JAK2: variants seen among roughly 807,000 people sequenced by gnomAD.
JAK2 encodes the protein tyrosine-protein kinase JAK2.
A neutral mutation model predicts 139.3 loss-of-function variants in JAK2; 86 were observed. The observed-to-expected ratio is 0.62, with a 90% CI of 0.52 to 0.74. The LOEUF (loss-of-function observed/expected upper bound fraction) is 0.74. Among genes scored for constraint, JAK2 ranks in the 30% least tolerant of loss-of-function variants. The pLI is 0.00. For synonymous variants in JAK2, 490 were observed against 437.7 expected, an observed-to-expected ratio of 1.12 and a Z score of -1.49; for missense variants, 1,421 against 1,360.3, an observed-to-expected ratio of 1.04 and a Z score of -0.70.
intron 8 of JAK2, among the ~76,000 whole-genome samples, chr9:5,061,231 A>G (rs1239652149): frequency 1.3e-5 from 2 of 152,246 alleles, no homozygotes; most frequent in East Asian, 1.9e-4. Context: ...CAAGTCACCA[A>G]TGGCATAGGC....
intron 2 of JAK2, among the ~76,000 whole-genome samples, chr9:5,011,268 C>T (rs1329374472): frequency 6.6e-6 from 1 of 152,108 alleles, no homozygotes; most frequent in African/African-American, 2.4e-5. Flanking sequence ...TTTCTGCAGC[C>T]TCAAACTCCT....
At chr9:5,089,358 G>A (rs1036811255) in intron 19 of JAK2, among the ~76,000 whole-genome samples, 2 of 151,972 alleles carry the variant, frequency 1.3e-5, no homozygotes, top group African/African-American at 2.4e-5. Context: ...CTAACACAGC[G>A]AAACCCTGTC....
Position 5,089,669 on chromosome 9 carries a change from T to C in JAK2, c.2572-5T>C. 2 of 1,337,764 alleles carry C rather than the reference T, an allele frequency of 1.5e-6. No individual in the cohort carries two copies. The highest frequency in any genetic ancestry group is 2.9e-5 in the Admixed American group (1 of 35,072). 82.9% of individuals were successfully genotyped at this position (1,337,764 alleles called of 1,614,324 possible). A position where few individuals can be genotyped will look rare whatever the true frequency, so the allele number is the denominator to read the frequency against. On this transcript the variant is annotated splice_polypyrimidine_tract_variant and splice_region_variant and intron_variant, in intron 19 of 24. Coordinates refer to ENST00000381652, the MANE Select transcript of JAK2 (RefSeq NM_004972.4). ...ATTTCCATCCTAATGTGATGTGTCA[T>C]TTAGGGTAATTTTGGGAGTGTGGAG...
At chr9:5,012,897 A>G (rs752807246) in intron 2 of JAK2, among the ~76,000 whole-genome samples, 1 of 152,336 alleles carries the variant, frequency 6.6e-6, no homozygotes, top group Admixed American at 6.5e-5. Flanking sequence ...TGGGAGGCAA[A>G]GTAGACTTAG....
chr9:5,101,439 C>T (rs932571479), intron 22 of JAK2, among the ~76,000 whole-genome samples: 63 of 152,250 alleles, frequency 4.1e-4, no homozygotes, highest in African/African-American at 1.4e-3. Context: ...TTGTAGACCA[C>T]ACCTCTGGGG....
intron 14 of JAK2, among the ~76,000 whole-genome samples, chr9:5,076,391 C>G (rs1819309474): frequency 6.6e-6 from 1 of 152,140 alleles, no homozygotes; most frequent in Non-Finnish European, 1.5e-5. Context: ...CCACAGCTAC[C>G]TGAACTTTAA....
chr9:5,004,918 CTTT>C (rs557320182), intron 2 of JAK2, among the ~76,000 whole-genome samples: 2 of 131,324 alleles, frequency 1.5e-5, no homozygotes, highest in Admixed American at 7.6e-5. Context: ...TACATATTGT[CTTT>C]TTTTTTTTTT....
At chr9:5,028,690 C>T (rs949531192) in intron 3 of JAK2, among the ~76,000 whole-genome samples, 1 of 152,212 alleles carries the variant, frequency 6.6e-6, no homozygotes, top group African/African-American at 2.4e-5. Context: ...TCTCCATCAA[C>T]ACTTGCTGCT....
intron 8 of JAK2, among the ~76,000 whole-genome samples, chr9:5,058,364 C>G (rs1454526200): frequency 6.6e-6 from 1 of 152,128 alleles, no homozygotes; most frequent in Non-Finnish European, 1.5e-5. Flanking sequence ...TCTTACATGG[C>G]AGCAGAAGAG....
chr9:5,043,038 G>A (rs1816727555), intron 4 of JAK2, among the ~76,000 whole-genome samples: 1 of 152,202 alleles, frequency 6.6e-6, no homozygotes, highest in Non-Finnish European at 1.5e-5. Context: ...CCTGCTGTGT[G>A]GAGGCGCGCG....
chr9:5,120,778 G>C (rs1479793141), intron 22 of JAK2, among the ~76,000 whole-genome samples: 2 of 152,120 alleles, frequency 1.3e-5, no homozygotes, highest in African/African-American at 4.8e-5. Context: ...GGACTTAGTG[G>C]GTCATTAGAC....
Position 5,022,171 on chromosome 9 carries a change from T to C in JAK2, c.184T>C (p.Tyr62His). The change falls in exon 3 of 25, where the codon TAT (tyrosine) becomes CAT (histidine). Residue 62 changes from tyrosine (Y) to histidine (H), a missense_variant. Physicochemically the swap from Tyr to His is moderately conservative, Grantham distance 83. Transcript: ENST00000381652. ...ADYLTFPSGE[Y>H]VAEEICIAAS... ...TTATCTGACCTTTCCATCTGGGGAGTATGTTGCAGAAGAAATCTGTATTGC... is the reference window on the plus strand; with the variant it reads ...TTATCTGACCTTTCCATCTGGGGAGCATGTTGCAGAAGAAATCTGTATTGC... The C allele has an allele frequency of 6.2e-7, 1 of 1,614,074 alleles. No individual in the cohort carries two copies. The highest frequency in any genetic ancestry group is 8.5e-7 in the Non-Finnish European group (1 of 1,180,006).
chr9:5,070,227 ATTATC>A (rs56241661), intron 12 of JAK2, among the ~76,000 whole-genome samples, 175 bp downstream of exon 12: 36,554 of 151,936 alleles, frequency 0.24, 4,569 homozygotes, highest in South Asian at 0.3. Flanking sequence ...AGCAAAATTA[ATTATC>A]TTAATTATCC....
At chr9:5,088,914 G>T (rs1201825370) in intron 19 of JAK2, among the ~76,000 whole-genome samples, 1 of 152,188 alleles carries the variant, frequency 6.6e-6, no homozygotes, top group Non-Finnish European at 1.5e-5. Context: ...TGGGGGTTAA[G>T]GCTTCATTAT....
intron 2 of JAK2, among the ~76,000 whole-genome samples, chr9:4,997,529 A>G (rs1820649045): frequency 6.6e-6 from 1 of 152,146 alleles, no homozygotes; most frequent in Non-Finnish European, 1.5e-5. Flanking sequence ...GGATGTTGCT[A>G]AACCATTCAT....
intron 5 of JAK2, among the ~76,000 whole-genome samples, chr9:5,048,299 G>A (rs181317277): frequency 1.1e-3 from 174 of 151,928 alleles, no homozygotes; most frequent in African/African-American, 4.0e-3. Context: ...CTGCCACTAC[G>A]CCCGGCTAAT....
chr9:5,044,820 T>G (rs147796164), intron 5 of JAK2, among the ~76,000 whole-genome samples: 16 of 152,328 alleles, frequency 1.1e-4, no homozygotes, highest in African/African-American at 3.8e-4. Context: ...TACAACATGA[T>G]TCATGTAGAC....
intron 23 of JAK2, among the ~76,000 whole-genome samples, chr9:5,125,165 G>T (rs1019709794): frequency 6.6e-6 from 1 of 150,422 alleles, no homozygotes; most frequent in Non-Finnish European, 1.5e-5. Flanking sequence ...TCAATATTGT[G>T]GTATGTTACC....
chr9:5,050,652 C>T (rs753153345), intron 5 of JAK2, 34 bp from the exon 6 acceptor site: 19 of 1,584,734 alleles, frequency 1.2e-5, no homozygotes, highest in Middle Eastern at 1.7e-4. Context: ...ATGAAACTTA[C>T]GATGAGATAT....
Sources: gnomAD v4.1 joint callset for allele counts (sites outside exome capture counted in the v4.1 genomes callset) on GRCh38, gnomAD v4.1.1 for gene constraint, MANE v1.5 for transcripts, NCBI Gene and HGNC (gene_info 2026-07-23, HGNC 2026-07-21) for gene names.